Variants in AGBL4 observed in about 807,000 individuals in gnomAD.
The protein encoded by AGBL4 is AGBL carboxypeptidase 4, also known as cytosolic carboxypeptidase 6.
AGBL4 carries 58 observed loss-of-function variants against 66.4 expected under a neutral mutation model. The observed-to-expected ratio is 0.87, with a 90% CI of 0.71 to 1.09. The LOEUF (loss-of-function observed/expected upper bound fraction) is 1.09. Among genes scored for constraint, AGBL4 ranks in the 50% least tolerant of loss-of-function variants. AGBL4 has a pLI of 0.00. For synonymous variants in AGBL4, 234 were observed against 222.9 expected (o/e 1.05, Z -0.44); for missense variants, 579 against 631.0 (o/e 0.92, Z 0.88).
At chr1:48,672,686 G>A (rs930555680) in intron 6 of AGBL4, among the ~76,000 whole-genome samples, 9 of 152,178 alleles carry the variant, frequency 5.9e-5, no homozygotes, top group African/African-American at 2.2e-4. Flanking sequence ...CGAGCTGTTG[G>A]AGTCATGCCA....
rs977241444 is a variant in AGBL4 at position 50,016,338 on chromosome 1, G to A, written c.34+7425C>T. Reference sequence around the variant, plus strand: ...TCACTTTGGGAGGCCAAGGTGGGCAGATCACCTAAGGTCAGGAGTTCCAGA... The same window carrying A: ...TCACTTTGGGAGGCCAAGGTGGGCAAATCACCTAAGGTCAGGAGTTCCAGA... On this transcript the variant is annotated intron_variant, in intron 1 of 13. Transcript: ENST00000371839. 4.0e-4 allele frequency among the ~76,000 whole-genome samples: 61 copies of A among 152,296 alleles called. 1 individual carries two copies. The highest frequency in any genetic ancestry group is 1.4e-3 in the African/African-American group (60 of 41,560).
At chr1:49,911,690 A>AGT (rs1302803876) in intron 1 of AGBL4, among the ~76,000 whole-genome samples, 1 of 152,132 alleles carries the variant, frequency 6.6e-6, no homozygotes, top group African/African-American at 2.4e-5. Context: ...TGCCCCACAG[A>AGT]GTGTGCTTGC....
At chr1:49,014,291 C>G (rs935353059) in intron 5 of AGBL4, among the ~76,000 whole-genome samples, 4 of 152,132 alleles carry the variant, frequency 2.6e-5, no homozygotes, top group African/African-American at 9.7e-5. Context: ...CAGGGCATTC[C>G]AGGCAGAGGA....
At chr1:48,687,574 G>A (rs191067750) in intron 6 of AGBL4, among the ~76,000 whole-genome samples, 8 of 152,290 alleles carry the variant, frequency 5.3e-5, no homozygotes, top group African/African-American at 1.9e-4. Flanking sequence ...TCTCAGATGG[G>A]GCTGACCAGG....
At chr1:49,184,865 T>C (rs963241279) in intron 4 of AGBL4, among the ~76,000 whole-genome samples, 2 of 152,162 alleles carry the variant, frequency 1.3e-5, no homozygotes, top group African/African-American at 4.8e-5. Context: ...ATACGGACAA[T>C]GAAAATGTCC....
chr1:49,214,195 T>C (rs913905806), intron 4 of AGBL4, among the ~76,000 whole-genome samples: 2 of 152,030 alleles, frequency 1.3e-5, no homozygotes, highest in African/African-American at 4.8e-5. Context: ...ATAATTTATT[T>C]GGGAAATAAT....
At chr1:48,988,027 TA>T (rs1660310623) in intron 5 of AGBL4, among the ~76,000 whole-genome samples, 2 of 152,118 alleles carry the variant, frequency 1.3e-5, no homozygotes. Context: ...AAAGACTGCT[TA>T]TTTTTCAAGA....
chr1:49,919,767 G>C (rs1168220875), intron 1 of AGBL4, among the ~76,000 whole-genome samples: 1 of 152,096 alleles, frequency 6.6e-6, no homozygotes, highest in African/African-American at 2.4e-5. Flanking sequence ...CCAAAAAAGA[G>C]CCCGCATTGC....
chr1:49,299,029 G>A (rs942158130), intron 3 of AGBL4, among the ~76,000 whole-genome samples: 4 of 151,956 alleles, frequency 2.6e-5, no homozygotes, highest in Non-Finnish European at 4.4e-5. Flanking sequence ...GACCATTGCC[G>A]TTTACTAAGT....
chr1:49,979,418 G>A (rs1481681347), intron 1 of AGBL4, among the ~76,000 whole-genome samples: 2 of 150,556 alleles, frequency 1.3e-5, no homozygotes, highest in South Asian at 2.1e-4. Flanking sequence ...CCGAGATTGC[G>A]CCACTGCAGT....
intron 1 of AGBL4, among the ~76,000 whole-genome samples, chr1:49,933,770 C>T (rs1341770593): frequency 6.6e-6 from 1 of 151,652 alleles, no homozygotes; most frequent in African/African-American, 2.4e-5. Flanking sequence ...CAAATACATA[C>T]AAAAGACATA....
chr1:49,699,836 T>C (rs1647053600), intron 2 of AGBL4, among the ~76,000 whole-genome samples: 1 of 151,926 alleles, frequency 6.6e-6, no homozygotes, highest in Non-Finnish European at 1.5e-5. Context: ...ATGAGGATTA[T>C]AGTTAATAAT....
At chr1:50,011,581 C>A (rs1286233620) in intron 1 of AGBL4, among the ~76,000 whole-genome samples, 1 of 152,126 alleles carries the variant, frequency 6.6e-6, no homozygotes, top group Non-Finnish European at 1.5e-5. Context: ...TATCTGCACT[C>A]CAATGTTTGT....
At chr1:49,883,915 GTTA>G (rs1377879343) in intron 1 of AGBL4, among the ~76,000 whole-genome samples, 2 of 151,838 alleles carry the variant, frequency 1.3e-5, no homozygotes, top group Non-Finnish European at 2.9e-5. Context: ...GAAATACAAA[GTTA>G]TTATTCTCAG....
chr1:48,638,585 G>A (rs1645705180), intron 8 of AGBL4, among the ~76,000 whole-genome samples: 1 of 152,220 alleles, frequency 6.6e-6, no homozygotes, highest in Middle Eastern at 3.2e-3. Flanking sequence ...CCTCCAGGAA[G>A]TAGAGGAGGA....
chr1:49,880,249 G>A lies in AGBL4; in HGVS notation c.35-28731C>T, dbSNP rs1326388905. Among the ~76,000 whole-genome samples, 2 of 152,030 alleles carry A rather than the reference G, an allele frequency of 1.3e-5. 1 individual carries two copies. Among genetic ancestry groups the A allele is most frequent in the East Asian group, 3.9e-4 (2 of 5,128 alleles). ...GAGGAGAGGCGCTCTGCGTTTTAGA[G>A]TTTCCAGATTTTCTGTTCTGTTTTT... On this transcript the variant is annotated intron_variant, in intron 1 of 13. Transcript: ENST00000371839.
intron 3 of AGBL4, among the ~76,000 whole-genome samples, chr1:49,385,214 A>ATC (rs1296006308): frequency 5.3e-5 from 8 of 152,116 alleles, no homozygotes; most frequent in Non-Finnish European, 1.0e-4. Flanking sequence ...AGTTTTAGAG[A>ATC]TCTAATGCAC....
intron 2 of AGBL4, among the ~76,000 whole-genome samples, chr1:49,738,308 C>A (rs181626515): frequency 1.3e-5 from 2 of 152,340 alleles, no homozygotes; most frequent in African/African-American, 4.8e-5. Context: ...CCGCTCATTG[C>A]TAGCACAGCA....
chr1:49,662,909 T>C (rs1226944714), intron 3 of AGBL4, among the ~76,000 whole-genome samples: 1 of 152,104 alleles, frequency 6.6e-6, no homozygotes, highest in African/African-American at 2.4e-5. Flanking sequence ...GCTTCTCAAC[T>C]GCAAATCTGT....
Sources: gnomAD v4.1 joint callset for allele counts (sites outside exome capture counted in the v4.1 genomes callset) on GRCh38, gnomAD v4.1.1 for gene constraint, MANE v1.5 for transcripts, NCBI Gene and HGNC (gene_info 2026-07-23, HGNC 2026-07-21) for gene names.